STXBP5L: variants seen among roughly 807,000 people sequenced by gnomAD.
STXBP5L encodes syntaxin-binding protein 5-like.
Under a neutral mutation model 144.5 loss-of-function variants are expected in STXBP5L, and 65 were observed. The ratio of observed to expected loss-of-function variants is 0.45; its 90% CI spans 0.37 to 0.55. The LOEUF (loss-of-function observed/expected upper bound fraction) is 0.55, where lower values mean the gene tolerates loss of function less well. Among genes scored for constraint, STXBP5L ranks in the 20% least tolerant of loss-of-function variants. The probability of loss-of-function intolerance (pLI) is 0.00; values close to 1 mark genes in which losing one functional copy is unlikely to be tolerated. For synonymous variants in STXBP5L, 505 were observed against 469.6 expected (o/e 1.08, Z -0.97); for missense variants, 1,298 against 1,405.5 (o/e 0.92, Z 1.22).
intron 5 of STXBP5L, among the ~76,000 whole-genome samples, chr3:121,067,914 T>G (rs973004196): frequency 6.6e-6 from 1 of 152,246 alleles, no homozygotes; most frequent in Admixed American, 6.5e-5. Flanking sequence ...ATCTTTACTT[T>G]GTGTTTGCAT....
At chr3:121,112,423 G>C (rs1195973374) in intron 5 of STXBP5L, among the ~76,000 whole-genome samples, 1 of 152,126 alleles carries the variant, frequency 6.6e-6, no homozygotes, top group Non-Finnish European at 1.5e-5. Flanking sequence ...TCCCAGGTGG[G>C]CCGTTGCTCC....
chr3:121,236,028 T>C (rs1396628874), intron 12 of STXBP5L, among the ~76,000 whole-genome samples: 2 of 152,190 alleles, frequency 1.3e-5, no homozygotes, highest in Non-Finnish European at 2.9e-5. Flanking sequence ...AGAATAATAC[T>C]AATTTCCTCC....
chr3:121,343,232 T>G (rs1476173222), intron 20 of STXBP5L, among the ~76,000 whole-genome samples: 1 of 152,078 alleles, frequency 6.6e-6, no homozygotes, highest in Non-Finnish European at 1.5e-5. Context: ...CATTGTAGAT[T>G]CTGGATATTA....
intron 10 of STXBP5L, among the ~76,000 whole-genome samples, chr3:121,210,509 C>T (rs1422011193): frequency 6.6e-6 from 1 of 152,092 alleles, no homozygotes; most frequent in Non-Finnish European, 1.5e-5. Flanking sequence ...CTTGCCCCTG[C>T]CTATGTCCTG....
At chr3:121,367,595 GTTTTTT>G (rs57288480) in intron 20 of STXBP5L, among the ~76,000 whole-genome samples, 7 of 51,360 alleles carry the variant, frequency 1.4e-4, no homozygotes, top group African/African-American at 3.9e-4. Flanking sequence ...TTCGACTCTT[GTTTTTT>G]TTTTTTTTTT....
At chr3:121,007,220 C>G (rs1227950249) in intron 3 of STXBP5L, among the ~76,000 whole-genome samples, 2 of 152,052 alleles carry the variant, frequency 1.3e-5, no homozygotes, top group Non-Finnish European at 2.9e-5. Context: ...AGTTACTTTA[C>G]ATTTCTGTGA....
At chr3:120,975,897 C>G (rs1576541333) in intron 3 of STXBP5L, among the ~76,000 whole-genome samples, 1 of 152,262 alleles carries the variant, frequency 6.6e-6, no homozygotes. Context: ...ATGAAGCCCA[C>G]TTGATCATGG....
intron 3 of STXBP5L, among the ~76,000 whole-genome samples, chr3:121,005,145 A>T (rs918451585): frequency 5.9e-5 from 9 of 151,580 alleles, no homozygotes; most frequent in Non-Finnish European, 7.4e-5. Context: ...CCTCCTTGTA[A>T]CTCTGGTAGA....
At position 121,413,512 on chromosome 3, in the gene STXBP5L, TAAGA is replaced by T. The variant is rs201568068; in HGVS notation, c.3114+194_3114+197del. Reference sequence around the variant, plus strand: ...GGTTCTAGGTATTGCACAGAAATAATAAGAAAGAGGGAGACAATGGAAAGATCAT... The same window carrying T: ...GGTTCTAGGTATTGCACAGAAATAATAAGAGGGAGACAATGGAAAGATCAT... On this transcript the variant is annotated intron_variant, in intron 24 of 26. Coordinates refer to ENST00000471454, the MANE Select transcript of STXBP5L (RefSeq NM_001308330.2). Among the ~76,000 whole-genome samples the T allele has an allele frequency of 1.8e-3, 276 of 152,296 alleles. 2 individuals are homozygous for T. Among genetic ancestry groups the T allele is most frequent in the African/African-American group, 6.3e-3 (263 of 41,564 alleles).
chr3:120,971,772 ATGTG>A, intron 3 of STXBP5L, among the ~76,000 whole-genome samples: 1 of 124,208 alleles, frequency 8.1e-6, no homozygotes, highest in African/African-American at 3.1e-5. Context: ...ATGTGTATAT[ATGTG>A]TATGTATATA....
chr3:120,974,902 A>G (rs1443950110), intron 3 of STXBP5L, among the ~76,000 whole-genome samples: 24 of 151,952 alleles, frequency 1.6e-4, no homozygotes, highest in Admixed American at 1.6e-3. Context: ...ATTGATCTAT[A>G]TCTCTGTTTT....
At chr3:121,180,829 T>A (rs2047114311) in intron 9 of STXBP5L, among the ~76,000 whole-genome samples, 1 of 151,864 alleles carries the variant, frequency 6.6e-6, no homozygotes, top group Non-Finnish European at 1.5e-5. Context: ...GCCAAAATCG[T>A]GCCATTGCAC....
intron 9 of STXBP5L, among the ~76,000 whole-genome samples, chr3:121,181,891 A>G (rs1456139339): frequency 6.6e-6 from 1 of 152,166 alleles, no homozygotes; most frequent in Non-Finnish European, 1.5e-5. Flanking sequence ...AACCAAAAGC[A>G]AACAGGAGTA....
chr3:121,212,001 A>G lies in STXBP5L; in HGVS notation c.956+6000A>G, dbSNP rs569183337. Among the ~76,000 whole-genome samples the G allele has an allele frequency of 3.3e-5, 5 of 152,228 alleles. No individual in the cohort carries two copies. The East Asian group carries it at 7.7e-4, about 24-fold the overall frequency. ...GCTTTTTTTCATGTTTTTTGGCCGC[A>G]TAAATGTCTTCTTTTGAGAAGTGTC... is the stretch of plus-strand genomic sequence containing the variant. On this transcript the variant is annotated intron_variant, in intron 10 of 26. Transcript: ENST00000471454.
intron 19 of STXBP5L, among the ~76,000 whole-genome samples, chr3:121,296,127 T>C (rs1310321749): frequency 6.6e-6 from 1 of 152,220 alleles, no homozygotes; most frequent in Non-Finnish European, 1.5e-5. Flanking sequence ...ACATACTTTC[T>C]GATGAATCAC....
At chr3:120,996,945 C>T (rs752634755) in intron 3 of STXBP5L, among the ~76,000 whole-genome samples, 20 of 152,104 alleles carry the variant, frequency 1.3e-4, no homozygotes, top group South Asian at 2.1e-4. Flanking sequence ...CAATCCTTAT[C>T]CTCCTTTCAC....
chr3:121,257,438 G>T, intron 17 of STXBP5L, 105 bp downstream of exon 17: 2 of 1,058,826 alleles, frequency 1.9e-6, no homozygotes, highest in Non-Finnish European at 1.3e-6. Flanking sequence ...GCTATTGTCA[G>T]GTGATCTACA....
chr3:120,986,705 A>C (rs1257936917), intron 3 of STXBP5L, among the ~76,000 whole-genome samples: 2 of 152,014 alleles, frequency 1.3e-5, no homozygotes, highest in African/African-American at 4.8e-5. Flanking sequence ...GATATGGAGA[A>C]AGTCAAGAAA....
At chr3:121,050,127 C>CCTG (rs1947849032) in intron 5 of STXBP5L, among the ~76,000 whole-genome samples, 1 of 152,158 alleles carries the variant, frequency 6.6e-6, no homozygotes, top group Non-Finnish European at 1.5e-5. Context: ...CCCATGTTTC[C>CCTG]ACCTGGATGT....
Sources: gnomAD v4.1 joint callset for allele counts (sites outside exome capture counted in the v4.1 genomes callset) on GRCh38, gnomAD v4.1.1 for gene constraint, MANE v1.5 for transcripts, NCBI Gene and HGNC (gene_info 2026-07-23, HGNC 2026-07-21) for gene names.